The following CCSER2 variants were observed in gnomAD, a reference collection of about 807,000 sequenced individuals.
The protein encoded by CCSER2 is serine-rich coiled-coil domain-containing protein 2.
Under a neutral mutation model 92.3 loss-of-function variants are expected in CCSER2, and 46 were observed. The observed-to-expected ratio is 0.50, with a 90% CI of 0.39 to 0.64. The LOEUF (loss-of-function observed/expected upper bound fraction) is 0.64, where lower values mean the gene tolerates loss of function less well. Ranked by LOEUF, CCSER2 falls within the 30% of genes least tolerant of loss-of-function variation. CCSER2 has a pLI of 0.00. For missense variants in CCSER2, 1,244 were observed against 1,238.9 expected, an observed-to-expected ratio of 1.00 and a Z score of -0.06; for synonymous variants, 433 against 431.4, an observed-to-expected ratio of 1.00 and a Z score of -0.04.
chr10:84,423,882 C>G (rs1331438193), intron 4 of CCSER2, among the ~76,000 whole-genome samples: 1 of 150,302 alleles, frequency 6.7e-6, no homozygotes, highest in Non-Finnish European at 1.5e-5. Context: ...CATGGTGATT[C>G]ATGCCTGTAA....
chr10:84,431,445 T>A (rs1208801670), intron 5 of CCSER2, among the ~76,000 whole-genome samples: 3 of 149,714 alleles, frequency 2.0e-5, no homozygotes, highest in East Asian at 1.9e-4. Context: ...GCATCTCATT[T>A]AAAAAAAAAA....
intron 5 of CCSER2, among the ~76,000 whole-genome samples, chr10:84,427,350 G>C (rs1250782718): frequency 6.6e-6 from 1 of 152,138 alleles, no homozygotes; most frequent in Non-Finnish European, 1.5e-5. Context: ...GTTATGGAAT[G>C]GGTGGTACAA....
chr10:84,335,228 CTTTTT>C (rs1202869188), intron 1 of CCSER2, among the ~76,000 whole-genome samples: 3 of 69,998 alleles, frequency 4.3e-5, no homozygotes, highest in African/African-American at 1.7e-4. Flanking sequence ...CTCTCTCTCT[CTTTTT>C]TTTTTTTTTT....
intron 6 of CCSER2, among the ~76,000 whole-genome samples, chr10:84,457,568 T>TTATATTTATATATTATATATAATTA (rs1473893953): frequency 1.3e-4 from 12 of 95,152 alleles, no homozygotes; most frequent in East Asian, 5.4e-4. Context: ...ATATATAAAT[T>TTATATTTATATATTATATATAATTA]TATATTTATA....
intron 1 of CCSER2, among the ~76,000 whole-genome samples, chr10:84,341,871 G>A (rs115391679): frequency 5.6e-4 from 86 of 152,342 alleles, no homozygotes; most frequent in African/African-American, 1.9e-3. Context: ...CCAGATGGAA[G>A]AGATGAATAG....
intron 1 of CCSER2, among the ~76,000 whole-genome samples, chr10:84,335,602 C>T (rs1416694913): frequency 6.6e-6 from 1 of 152,034 alleles, no homozygotes; most frequent in African/African-American, 2.4e-5. Flanking sequence ...GTTGCCTACC[C>T]TCCTCCCCAA....
At chr10:84,426,601 G>A (rs1165595468) in intron 5 of CCSER2, among the ~76,000 whole-genome samples, 5 of 152,136 alleles carry the variant, frequency 3.3e-5, no homozygotes, top group Non-Finnish European at 7.4e-5. Context: ...GGCACTCTGT[G>A]GAAGTTATTA....
chr10:84,329,347 G>C (rs1050188864), intron 1 of CCSER2, among the ~76,000 whole-genome samples: 7 of 152,208 alleles, frequency 4.6e-5, no homozygotes, highest in African/African-American at 1.7e-4. Context: ...TCTTGATAAA[G>C]TAAAAGGAGG....
intron 6 of CCSER2, among the ~76,000 whole-genome samples, chr10:84,445,886 A>G (rs564342969): frequency 7.9e-5 from 12 of 151,956 alleles, no homozygotes; most frequent in Non-Finnish European, 1.8e-4. Context: ...TTTGTTGTTT[A>G]TTATGAACAG....
chr10:84,474,052 GA>G (rs781018606), intron 8 of CCSER2, among the ~76,000 whole-genome samples: 12 of 152,170 alleles, frequency 7.9e-5, no homozygotes, highest in Non-Finnish European at 1.3e-4. Flanking sequence ...GAAAGGCATA[GA>G]AGTTTAACTA....
chr10:84,402,164 G>C (rs186843787), intron 3 of CCSER2, among the ~76,000 whole-genome samples: 123 of 152,222 alleles, frequency 8.1e-4, no homozygotes, highest in Admixed American at 3.0e-3. Flanking sequence ...CGCATTGTGT[G>C]TGTTTCATTG....
At chr10:84,332,732 G>C (rs1001694667) in intron 1 of CCSER2, among the ~76,000 whole-genome samples, 1 of 151,744 alleles carries the variant, frequency 6.6e-6, no homozygotes, top group Admixed American at 6.6e-5. Flanking sequence ...CGGGAGAATC[G>C]CTTGAGCCTA....
intron 3 of CCSER2, among the ~76,000 whole-genome samples, chr10:84,401,309 G>T (rs1428695646): frequency 1.3e-5 from 2 of 152,126 alleles, no homozygotes; most frequent in Non-Finnish European, 2.9e-5. Context: ...TAAACATTTA[G>T]CAAGACTGAC....
chr10:84,495,981 A>G (rs1431058083), intron 9 of CCSER2, among the ~76,000 whole-genome samples: 2 of 63,706 alleles, frequency 3.1e-5, no homozygotes, highest in Non-Finnish European at 1.1e-4. Context: ...TTTTTTCTTT[A>G]TTTCTGTTTT....
chr10:84,405,952 C>A (rs771039024), intron 3 of CCSER2, among the ~76,000 whole-genome samples: 10 of 152,028 alleles, frequency 6.6e-5, no homozygotes, highest in Non-Finnish European at 1.2e-4. Context: ...GGGTATTTAC[C>A]ATAGAAAAAT....
At chr10:84,501,649 C>T (rs1848726088) in intron 9 of CCSER2, among the ~76,000 whole-genome samples, 1 of 148,508 alleles carries the variant, frequency 6.7e-6, no homozygotes, top group Non-Finnish European at 1.5e-5. Context: ...GGGTTCAGAG[C>T]TTTCCTTTTT....
chr10:84,434,328 C>T (rs1004721681), intron 5 of CCSER2, among the ~76,000 whole-genome samples: 1 of 152,142 alleles, frequency 6.6e-6, no homozygotes, highest in Admixed American at 6.6e-5. Flanking sequence ...TGTTCCCGCT[C>T]CCTCCTATCT....
intron 3 of CCSER2, among the ~76,000 whole-genome samples, chr10:84,414,332 A>G (rs1842791571): frequency 1.3e-5 from 2 of 152,166 alleles, no homozygotes; most frequent in South Asian, 2.1e-4. Flanking sequence ...AGCTCTTGCA[A>G]AGCAGACTTG....
At chr10:84,361,050 A>ACT (rs1845474051) in intron 1 of CCSER2, among the ~76,000 whole-genome samples, 1 of 152,168 alleles carries the variant, frequency 6.6e-6, no homozygotes, top group East Asian at 1.9e-4. Flanking sequence ...AGAGGACAGA[A>ACT]GGAGGCAGGG....
Sources: gnomAD v4.1 joint callset for allele counts (sites outside exome capture counted in the v4.1 genomes callset) on GRCh38, gnomAD v4.1.1 for gene constraint, MANE v1.5 for transcripts, NCBI Gene and HGNC (gene_info 2026-07-23, HGNC 2026-07-21) for gene names.